Variants in UNC5D observed in about 807,000 individuals in gnomAD.
UNC5D encodes netrin receptor UNC5D.
UNC5D carries 39 observed loss-of-function variants against 105.4 expected under a neutral mutation model. The observed-to-expected ratio is 0.37, with a 90% CI of 0.29 to 0.48. UNC5D has a LOEUF of 0.48. Among genes scored for constraint, UNC5D ranks in the 20% least tolerant of loss-of-function variants. The pLI is 0.98. For missense variants in UNC5D, 991 were observed against 1,202.4 expected, an observed-to-expected ratio of 0.82 and a Z score of 2.60; for synonymous variants, 452 against 450.4, an observed-to-expected ratio of 1.00 and a Z score of -0.04.
chr8:35,568,163 G>C lies in UNC5D; in HGVS notation c.388G>C (p.Glu130Gln). Reference protein sequence around the residue: ...RQQVEDFHGPEDYWCQCVAWS... With the variant: ...RQQVEDFHGPQDYWCQCVAWS... ...ACAGGTGGAGGACTTCCATGGGCCC[G>C]AGGACTATTGGTGCCAGTGTGTGGC... Residue 130 changes from glutamate (E) to glutamine (Q), a missense_variant, in exon 3 of 17, where the codon GAG becomes CAG. Coordinates refer to ENST00000404895, the MANE Select transcript of UNC5D (RefSeq NM_080872.4). 1 of 1,614,196 alleles carries C rather than the reference G, an allele frequency of 6.2e-7. No homozygotes were observed. Among genetic ancestry groups the C allele is most frequent in the Non-Finnish European group, 8.5e-7 (1 of 1,180,042 alleles).
At chr8:35,324,273 G>A (rs927543799) in intron 1 of UNC5D, among the ~76,000 whole-genome samples, 2 of 144,160 alleles carry the variant, frequency 1.4e-5, no homozygotes, top group Non-Finnish European at 3.0e-5. Context: ...TCATTGATGA[G>A]TCATCCTATT....
chr8:35,350,958 C>T (rs781715467), intron 1 of UNC5D, among the ~76,000 whole-genome samples: 3 of 151,882 alleles, frequency 2.0e-5, no homozygotes, highest in South Asian at 4.2e-4. Flanking sequence ...GGAAAGATTC[C>T]GAAAATATCT....
intron 2 of UNC5D, among the ~76,000 whole-genome samples, chr8:35,561,441 T>A (rs1287027350): frequency 6.6e-6 from 1 of 152,160 alleles, no homozygotes; most frequent in Non-Finnish European, 1.5e-5. Flanking sequence ...GTGACTCCTG[T>A]CTCTCAGGAC....
At chr8:35,405,477 A>G (rs187488180) in intron 1 of UNC5D, among the ~76,000 whole-genome samples, 1 of 152,348 alleles carries the variant, frequency 6.6e-6, no homozygotes, top group East Asian at 1.9e-4. Flanking sequence ...TAAATTGTAT[A>G]GCAATGTGAC....
At chr8:35,525,250 C>T in intron 1 of UNC5D, 1 of 1,612,080 alleles carries the variant, frequency 6.2e-7, no homozygotes, top group Non-Finnish European at 8.5e-7. Context: ...CTTTCCACGT[C>T]TCTAAAATGT....
chr8:35,691,638 A>G (rs1460247882), intron 7 of UNC5D, among the ~76,000 whole-genome samples: 1 of 152,178 alleles, frequency 6.6e-6, no homozygotes, highest in African/African-American at 2.4e-5. Flanking sequence ...GGAAAAAGGT[A>G]ATGATGTGGT....
At chr8:35,742,415 T>G (rs1194302433) in intron 11 of UNC5D, among the ~76,000 whole-genome samples, 1 of 152,208 alleles carries the variant, frequency 6.6e-6, no homozygotes. Context: ...GAGTACAGCT[T>G]CCATCTATCA....
chr8:35,357,937 G>GA (rs1254044644), intron 1 of UNC5D, among the ~76,000 whole-genome samples: 6 of 151,450 alleles, frequency 4.0e-5, no homozygotes, highest in South Asian at 4.2e-4. Flanking sequence ...TCTTGGTAGT[G>GA]AAAAAAAAGC....
At chr8:35,274,066 A>G (rs1449354519) in intron 1 of UNC5D, among the ~76,000 whole-genome samples, 1 of 151,930 alleles carries the variant, frequency 6.6e-6, no homozygotes, top group African/African-American at 2.4e-5. Flanking sequence ...GAGCATAATT[A>G]TGGTCTGAAT....
chr8:35,496,490 A>C (rs1157836512), intron 1 of UNC5D, among the ~76,000 whole-genome samples: 2 of 152,198 alleles, frequency 1.3e-5, no homozygotes. Flanking sequence ...GTGGAGCAAG[A>C]TGGAAAGAGA....
rs1159363651 is a variant in UNC5D at position 35,683,571 on chromosome 8, C to A, written c.595C>A (p.Pro199Thr). The change falls in exon 5 of 17, where the codon CCC becomes ACC. Residue 199 changes from proline to threonine, a missense_variant. Physicochemically the swap from Pro to Thr is conservative, Grantham distance 38 (BLOSUM62 -1). Transcript: ENST00000404895. ...GGTGGAATGGCTGAAAAATGAAGAGCCCATTGACTCTGAACAAGACGAGAA... is the reference window on the plus strand; with the variant it reads ...GGTGGAATGGCTGAAAAATGAAGAGACCATTGACTCTGAACAAGACGAGAA... ...AEVEWLKNEE[P>T]IDSEQDENID... 2 of 1,565,440 alleles carry A rather than the reference C, an allele frequency of 1.3e-6. No homozygotes were observed. The highest frequency in any genetic ancestry group is 1.4e-5 in the African/African-American group (1 of 71,548).
intron 4 of UNC5D, among the ~76,000 whole-genome samples, chr8:35,660,740 T>C (rs566231804): frequency 6.9e-4 from 105 of 152,174 alleles, no homozygotes; most frequent in Non-Finnish European, 5.9e-5. Flanking sequence ...GTCCCTCCCC[T>C]TGGGGTTGTT....
intron 4 of UNC5D, among the ~76,000 whole-genome samples, chr8:35,618,101 T>C (rs1052707799): frequency 6.6e-6 from 1 of 152,190 alleles, no homozygotes; most frequent in Admixed American, 6.5e-5. Context: ...GATCACCTTC[T>C]AGAGGCAGCT....
At chr8:35,305,652 CTT>C (rs1563298019) in intron 1 of UNC5D, among the ~76,000 whole-genome samples, 1 of 99,906 alleles carries the variant, frequency 1.0e-5, no homozygotes, top group African/African-American at 4.2e-5. Flanking sequence ...TTCTTTCTTT[CTT>C]TTCTTTCTCT....
intron 10 of UNC5D, among the ~76,000 whole-genome samples, chr8:35,729,838 C>T (rs1209032928): frequency 6.6e-6 from 1 of 152,178 alleles, no homozygotes; most frequent in Non-Finnish European, 1.5e-5. Context: ...TTAAACGTGC[C>T]TTATTCTTAG....
At chr8:35,403,444 G>A (rs1342151748) in intron 1 of UNC5D, among the ~76,000 whole-genome samples, 1 of 152,210 alleles carries the variant, frequency 6.6e-6, no homozygotes, top group Non-Finnish European at 1.5e-5. Context: ...TAGGCACTGA[G>A]GACAGAGTCT....
At chr8:35,299,441 A>G (rs1807753808) in intron 1 of UNC5D, among the ~76,000 whole-genome samples, 2 of 152,192 alleles carry the variant, frequency 1.3e-5, no homozygotes, top group Non-Finnish European at 2.9e-5. Flanking sequence ...TGATGTGTTC[A>G]GACTGCTGGG....
At chr8:35,558,560 A>C (rs1304014220) in intron 2 of UNC5D, among the ~76,000 whole-genome samples, 1 of 152,214 alleles carries the variant, frequency 6.6e-6, no homozygotes, top group African/African-American at 2.4e-5. Flanking sequence ...ACATTCCCTT[A>C]TATAAGTGGA....
chr8:35,439,346 T>A (rs999966860), intron 1 of UNC5D, among the ~76,000 whole-genome samples: 1 of 152,016 alleles, frequency 6.6e-6, no homozygotes, highest in Admixed American at 6.6e-5. Flanking sequence ...GTTGACAGTT[T>A]CTCTGAGATC....
Sources: allele counts gnomAD v4.1 joint callset (sites outside exome capture counted in the v4.1 genomes callset), GRCh38; gene constraint gnomAD v4.1.1; transcripts MANE v1.5; gene names NCBI Gene and HGNC (gene_info 2026-07-23, HGNC 2026-07-21).